SORCS1: variants seen among roughly 807,000 people sequenced by gnomAD.
SORCS1 encodes VPS10 domain-containing receptor SorCS1.
In SORCS1, 60 loss-of-function variants were observed where a neutral mutation model predicts 146.1. That is an observed-to-expected ratio of 0.41 (90% CI 0.33 to 0.51). SORCS1 has a LOEUF of 0.51. Ranked by LOEUF, SORCS1 falls within the 20% of genes least tolerant of loss-of-function variation. The pLI, the probability that SORCS1 is intolerant of heterozygous loss-of-function variation, is 0.21. For missense variants in SORCS1, 1,352 were observed against 1,487.6 expected (o/e 0.91, Z 1.50); for synonymous variants, 637 against 584.0 (o/e 1.09, Z -1.31).
chr10:106,579,210 T>C (rs1401357408), intron 25 of SORCS1, 159 bp downstream of exon 25: 4 of 1,613,998 alleles, frequency 2.5e-6, no homozygotes, highest in Non-Finnish European at 3.4e-6. Context: ...TTGTTCTTTC[T>C]CATTCTGCAT....
chr10:106,609,244 T>C (rs1846811875), intron 22 of SORCS1, among the ~76,000 whole-genome samples: 1 of 152,198 alleles, frequency 6.6e-6, no homozygotes, highest in Admixed American at 6.5e-5. Flanking sequence ...AACCCCACAC[T>C]GTTTTATGCC....
chr10:106,790,846 C>T (rs943741342), intron 3 of SORCS1, among the ~76,000 whole-genome samples: 1 of 152,106 alleles, frequency 6.6e-6, no homozygotes, highest in African/African-American at 2.4e-5. Context: ...TGTTTCTTTT[C>T]ATTTAGTCAT....
chr10:107,003,991 C>T (rs367787095), intron 1 of SORCS1, among the ~76,000 whole-genome samples: 6 of 151,828 alleles, frequency 4.0e-5, no homozygotes, highest in East Asian at 1.9e-4. Context: ...CTGGCTAACA[C>T]GGTGAAACCC....
At chr10:107,152,790 G>C (rs577579147) in intron 1 of SORCS1, among the ~76,000 whole-genome samples, 1 of 152,124 alleles carries the variant, frequency 6.6e-6, no homozygotes, top group African/African-American at 2.4e-5. Context: ...GTCTTTATTA[G>C]CAGCATGAGA....
At chr10:107,104,175 A>C (rs1474107682) in intron 1 of SORCS1, among the ~76,000 whole-genome samples, 3 of 152,164 alleles carry the variant, frequency 2.0e-5, no homozygotes, top group Admixed American at 2.0e-4. Context: ...CCCAGGTCTG[A>C]CTGCCTCAAG....
At chr10:106,608,722 T>C (rs1846771712) in intron 22 of SORCS1, among the ~76,000 whole-genome samples, 1 of 152,196 alleles carries the variant, frequency 6.6e-6, no homozygotes, top group Non-Finnish European at 1.5e-5. Context: ...ACTCTGAGTT[T>C]AGCATGCAGG....
rs988378268 is a variant in SORCS1, at chr10:106,840,686, G to C, written c.627-11013C>G. Among the ~76,000 whole-genome samples, 9 of 152,074 alleles carry C rather than the reference G, an allele frequency of 5.9e-5. 2 individuals carry two copies. Among genetic ancestry groups the C allele is most frequent in the Admixed American group, 5.9e-4 (9 of 15,246 alleles). Reference sequence around the variant, plus strand: ...ACAGAGAAATTTTTCATGAAAGGAAGAGTCAATTCATGTAGGAAACTTTAT... The same window carrying C: ...ACAGAGAAATTTTTCATGAAAGGAACAGTCAATTCATGTAGGAAACTTTAT... On this transcript the variant is annotated intron_variant, in intron 2 of 25. Coordinates refer to ENST00000263054, the MANE Select transcript of SORCS1 (RefSeq NM_052918.5).
chr10:106,649,369 G>C (rs1849693035), intron 18 of SORCS1, among the ~76,000 whole-genome samples: 1 of 152,118 alleles, frequency 6.6e-6, no homozygotes, highest in East Asian at 1.9e-4. Context: ...TTGAGCAGTG[G>C]GACACTGAAG....
intron 2 of SORCS1, among the ~76,000 whole-genome samples, chr10:106,842,132 G>C (rs1336234967): frequency 2.6e-5 from 4 of 151,802 alleles, no homozygotes; most frequent in Non-Finnish European, 4.4e-5. Flanking sequence ...TAGGTGTATA[G>C]CAGCGTATCA....
At position 107,060,825 on chromosome 10, in the gene SORCS1, C is replaced by A. The variant is rs1961136496; in HGVS notation, c.558+103144G>T. Among the ~76,000 whole-genome samples the A allele has an allele frequency of 6.6e-6, 1 of 152,028 alleles. No homozygotes were observed. The highest frequency in any genetic ancestry group is 2.4e-5 in the African/African-American group (1 of 41,392). ...TCTTTTCAATGAGATTTTTAAGGAG[C>A]TTTAAAAAATCATATTTTAGTTAAT... On this transcript the variant is annotated intron_variant, in intron 1 of 25. Coordinates refer to ENST00000263054, the MANE Select transcript of SORCS1 (RefSeq NM_052918.5). This position sits in a 1 kb window ranked among gnomAD's most constrained non-coding sequence, Gnocchi z 4.1.
At chr10:106,962,240 A>G (rs1006120949) in intron 1 of SORCS1, among the ~76,000 whole-genome samples, 1 of 151,988 alleles carries the variant, frequency 6.6e-6, no homozygotes. Flanking sequence ...TCTCCATTAA[A>G]AATAGAAAAT....
At chr10:106,725,545 C>A (rs980569585) in intron 6 of SORCS1, among the ~76,000 whole-genome samples, 2 of 135,564 alleles carry the variant, frequency 1.5e-5, no homozygotes, top group Non-Finnish European at 3.3e-5. Flanking sequence ...GAGCAAAACT[C>A]CATCACATAC....
chr10:106,658,632 G>C (rs1446208799), intron 17 of SORCS1, among the ~76,000 whole-genome samples: 1 of 152,202 alleles, frequency 6.6e-6, no homozygotes, highest in Non-Finnish European at 1.5e-5. Context: ...GCTAATTCTT[G>C]ATAGAGTATG....
intron 5 of SORCS1, among the ~76,000 whole-genome samples, chr10:106,755,275 A>T (rs1338769579): frequency 6.6e-6 from 1 of 152,230 alleles, no homozygotes; most frequent in African/African-American, 2.4e-5. Flanking sequence ...TTATTGGAGG[A>T]TGAGAAGGGA....
intron 9 of SORCS1, among the ~76,000 whole-genome samples, chr10:106,692,986 A>C (rs538683139): frequency 6.6e-6 from 1 of 152,232 alleles, no homozygotes; most frequent in South Asian, 2.1e-4. Flanking sequence ...CTAGAATACA[A>C]AAAAACTGTT....
chr10:107,154,920 C>T (rs999828499), intron 1 of SORCS1, among the ~76,000 whole-genome samples: 2 of 152,122 alleles, frequency 1.3e-5, no homozygotes, highest in Non-Finnish European at 2.9e-5. Flanking sequence ...TTAGTACCCT[C>T]ATTTTACAGA....
At chr10:107,038,582 G>A (rs1959017430) in intron 1 of SORCS1, among the ~76,000 whole-genome samples, 1 of 152,076 alleles carries the variant, frequency 6.6e-6, no homozygotes, top group Non-Finnish European at 1.5e-5. Context: ...TGAATCGGCT[G>A]CCTAGTAACT....
chr10:107,039,156 C>G (rs928888900), intron 1 of SORCS1, among the ~76,000 whole-genome samples: 1 of 151,714 alleles, frequency 6.6e-6, no homozygotes, highest in East Asian at 1.9e-4. Flanking sequence ...GGTGAAACCC[C>G]GTCTCTAATA....
intron 24 of SORCS1, among the ~76,000 whole-genome samples, chr10:106,585,758 G>T (rs150078612): frequency 1.3e-5 from 2 of 152,168 alleles, no homozygotes; most frequent in Admixed American, 6.5e-5. Context: ...TGAATTTCAC[G>T]GCCTTGCATA....
Sources: allele counts gnomAD v4.1 joint callset (sites outside exome capture counted in the v4.1 genomes callset), GRCh38; gene constraint gnomAD v4.1.1; non-coding constraint Gnocchi (gnomAD v3.1); transcripts MANE v1.5; gene names NCBI Gene and HGNC (gene_info 2026-07-23, HGNC 2026-07-21).